ZBBX: variants seen among roughly 807,000 people sequenced by gnomAD.
ZBBX encodes zinc finger B-box domain containing.
Under a neutral mutation model 108.5 loss-of-function variants are expected in ZBBX, and 101 were observed. That is an observed-to-expected ratio of 0.93 (90% CI 0.79 to 1.10). The LOEUF is 1.10. ZBBX is among the 50% of genes least tolerant of loss of function. ZBBX has a pLI of 0.00. For missense variants in ZBBX, 1,009 were observed against 941.4 expected, an observed-to-expected ratio of 1.07 and a Z score of -0.94; for synonymous variants, 356 against 323.4, an observed-to-expected ratio of 1.10 and a Z score of -1.08.
At chr3:167,356,343 G>A (rs866766799) in intron 8 of ZBBX, among the ~76,000 whole-genome samples, 5 of 151,872 alleles carry the variant, frequency 3.3e-5, no homozygotes, top group African/African-American at 9.7e-5. Context: ...TACCAAGAGC[G>A]GGGGTTTTAC....
At chr3:167,227,482 A>G in the ZBBX span, among the ~76,000 whole-genome samples, 1 of 151,684 alleles carries the variant, frequency 6.6e-6, no homozygotes, top group South Asian at 2.1e-4. Flanking sequence ...GGTCTCTCTT[A>G]TCCTTCCTTG....
chr3:167,293,676 G>C (rs962932228), intron 18 of ZBBX, among the ~76,000 whole-genome samples: 2 of 152,126 alleles, frequency 1.3e-5, no homozygotes, highest in African/African-American at 4.8e-5. Context: ...ATTCAACATA[G>C]TATTGGAAGT....
intron 11 of ZBBX, 26 bp from the exon 12 acceptor site, chr3:167,322,263 A>G: frequency 7.0e-7 from 1 of 1,423,538 alleles, no homozygotes; most frequent in South Asian, 1.8e-5. Flanking sequence ...CAATGTGCAT[A>G]ATTAAAATAA....
the ZBBX span, among the ~76,000 whole-genome samples, chr3:167,208,883 T>G: frequency 6.6e-6 from 1 of 152,134 alleles, no homozygotes; most frequent in Admixed American, 6.5e-5. Flanking sequence ...TTCCAGGCCT[T>G]GGCTCTTGGA....
chr3:167,396,623 G>A lies in ZBBX; in HGVS notation c.-446+11103C>T, dbSNP rs530324049. On this transcript the variant is annotated intron_variant, in intron 1 of 21. Transcript: ENST00000455345. ...ACAAATGCTTTGGCATGTGAAAAAC[G>A]TTTATGGTTTATGAATGAGAGTATG... is the stretch of plus-strand genomic sequence containing the variant. Among the ~76,000 whole-genome samples, 226 of 152,112 alleles carry A rather than the reference G, an allele frequency of 1.5e-3. 2 individuals carry two copies. Among genetic ancestry groups the A allele is most frequent in the African/African-American group, 5.2e-3 (214 of 41,532 alleles).
At chr3:167,237,631 A>C (rs1298072954), downstream of ZBBX, among the ~76,000 whole-genome samples, 2 of 151,920 alleles carry the variant, frequency 1.3e-5, no homozygotes, top group African/African-American at 2.4e-5. Flanking sequence ...TTTCCTCATT[A>C]GACTAATGGC....
At chr3:167,400,838 T>A (rs573899807) in intron 1 of ZBBX, among the ~76,000 whole-genome samples, 1 of 152,092 alleles carries the variant, frequency 6.6e-6, no homozygotes, top group African/African-American at 2.4e-5. Context: ...TATAGGTAGG[T>A]AAGAGACAAA....
chr3:167,322,877 G>T (rs1736680434), intron 11 of ZBBX, among the ~76,000 whole-genome samples: 1 of 152,022 alleles, frequency 6.6e-6, no homozygotes, highest in African/African-American at 2.4e-5. Context: ...GAAAAAAAAT[G>T]TAGGAGAATC....
chr3:167,245,711 G>A (rs1404714421), intron 20 of ZBBX, among the ~76,000 whole-genome samples: 1 of 152,020 alleles, frequency 6.6e-6, no homozygotes. Flanking sequence ...CTCCTGCTCT[G>A]GCCATGTGAA....
At chr3:167,357,260 GA>G (rs1743736793) in intron 8 of ZBBX, among the ~76,000 whole-genome samples, 1 of 152,122 alleles carries the variant, frequency 6.6e-6, no homozygotes, top group Non-Finnish European at 1.5e-5. Flanking sequence ...AATGTCAAAT[GA>G]AATCAAGAAA....
intron 1 of ZBBX, among the ~76,000 whole-genome samples, chr3:167,392,471 T>C (rs1362689137): frequency 6.6e-6 from 1 of 151,796 alleles, no homozygotes; most frequent in African/African-American, 2.4e-5. Flanking sequence ...ATGGTAAGTT[T>C]ATATTTAACT....
At chr3:167,308,698 G>T (rs921567271) in intron 16 of ZBBX, among the ~76,000 whole-genome samples, 2 of 152,040 alleles carry the variant, frequency 1.3e-5, no homozygotes, top group African/African-American at 4.8e-5. Flanking sequence ...ACTAACAAAA[G>T]AACAGAAAAC....
chr3:167,208,100 T>C, the ZBBX span, among the ~76,000 whole-genome samples: 1 of 152,132 alleles, frequency 6.6e-6, no homozygotes, highest in Admixed American at 6.6e-5. Context: ...CCAGTGCCCA[T>C]GAAGGAAGCA....
chr3:167,211,084 C>T, the ZBBX span, among the ~76,000 whole-genome samples: 1 of 152,112 alleles, frequency 6.6e-6, no homozygotes, highest in African/African-American at 2.4e-5. Context: ...CAGGTATATG[C>T]ATTGGAATTA....
chr3:167,179,698 A>T, the ZBBX span, among the ~76,000 whole-genome samples: 2 of 152,230 alleles, frequency 1.3e-5, no homozygotes, highest in Non-Finnish European at 2.9e-5. Flanking sequence ...GAGCTGAAGT[A>T]TAGGGCATCT....
chr3:167,200,315 G>A, the ZBBX span, among the ~76,000 whole-genome samples: 1 of 152,076 alleles, frequency 6.6e-6, no homozygotes, highest in Non-Finnish European at 1.5e-5. Flanking sequence ...AATGTTACAT[G>A]AGACATAATT....
At chr3:167,320,623 T>A (rs1736280314) in intron 12 of ZBBX, among the ~76,000 whole-genome samples, 1 of 152,032 alleles carries the variant, frequency 6.6e-6, no homozygotes, top group African/African-American at 2.4e-5. Context: ...CTCTAAAATA[T>A]TTATCAATTA....
chr3:167,391,428 A>G (rs1320223405), intron 1 of ZBBX, among the ~76,000 whole-genome samples: 3 of 152,002 alleles, frequency 2.0e-5, no homozygotes, highest in African/African-American at 7.2e-5. Flanking sequence ...TTCATCAGGG[A>G]TAATGGCCTG....
At chr3:167,208,979 T>C in the ZBBX span, among the ~76,000 whole-genome samples, 4 of 152,112 alleles carry the variant, frequency 2.6e-5, no homozygotes, top group African/African-American at 9.7e-5. Flanking sequence ...CACCACAAGC[T>C]GGCTGAAGAG....
Sources: allele counts gnomAD v4.1 joint callset (sites outside exome capture counted in the v4.1 genomes callset), GRCh38; gene constraint gnomAD v4.1.1; transcripts MANE v1.5; gene names NCBI Gene and HGNC (gene_info 2026-07-23, HGNC 2026-07-21).